Variants in ACBD6 observed in about 807,000 individuals in gnomAD.
ACBD6 encodes acyl-CoA-binding domain-containing protein 6.
A neutral mutation model predicts 37.2 loss-of-function variants in ACBD6; 28 were observed. That is an observed-to-expected ratio of 0.75 (90% CI 0.56 to 1.03). ACBD6 has a LOEUF of 1.03. Among genes scored for constraint, ACBD6 ranks in the 50% least tolerant of loss-of-function variants. The probability of loss-of-function intolerance (pLI) is 0.00; values close to 1 mark genes in which losing one functional copy is unlikely to be tolerated. For synonymous variants in ACBD6, 113 were observed against 126.8 expected (o/e 0.89, Z 0.73); for missense variants, 340 against 337.4 (o/e 1.01, Z -0.06).
chr1:180,413,619 C>A, intron 4 of ACBD6, 148 bp from the exon 5 acceptor site: 1 of 630,490 alleles, frequency 1.6e-6, no homozygotes, highest in Admixed American at 2.7e-5. Flanking sequence ...TTTTCAGTAG[C>A]TGTAATATAT....
At chr1:180,417,724 T>C (rs1433111250) in intron 4 of ACBD6, among the ~76,000 whole-genome samples, 1 of 152,074 alleles carries the variant, frequency 6.6e-6, no homozygotes, top group East Asian at 1.9e-4. Context: ...ATCTTTGAGG[T>C]TGAAAAATGG....
At chr1:180,338,211 C>T (rs190350744) in intron 6 of ACBD6, among the ~76,000 whole-genome samples, 2,222 of 152,248 alleles carry the variant, frequency 0.015, 65 homozygotes, top group African/African-American at 0.05. Flanking sequence ...AAAAAAAGAG[C>T]CCACATTGCC....
intron 6 of ACBD6, among the ~76,000 whole-genome samples, chr1:180,334,319 TC>T (rs1651614182): frequency 6.6e-6 from 1 of 152,046 alleles, no homozygotes; most frequent in South Asian, 2.1e-4. Flanking sequence ...AGACAAAACT[TC>T]CAGAGGAACG....
At chr1:180,454,425 G>A (rs1649836289) in intron 3 of ACBD6, among the ~76,000 whole-genome samples, 1 of 152,218 alleles carries the variant, frequency 6.6e-6, no homozygotes, top group East Asian at 1.9e-4. Flanking sequence ...AAAAACCCTA[G>A]AAGAAAACCT....
At chr1:180,331,661 TA>T in intron 6 of ACBD6, among the ~76,000 whole-genome samples, 1 of 152,330 alleles carries the variant, frequency 6.6e-6, no homozygotes, top group South Asian at 2.1e-4. Flanking sequence ...AGAATAATAC[TA>T]AAACAATATA....
chr1:180,320,077 C>T (rs1651001444), intron 6 of ACBD6, among the ~76,000 whole-genome samples: 1 of 152,180 alleles, frequency 6.6e-6, no homozygotes, highest in African/African-American at 2.4e-5. Context: ...TGAGAAACCT[C>T]CAAACGGTTC....
At chr1:180,391,773 T>C (rs1654085083) in intron 6 of ACBD6, among the ~76,000 whole-genome samples, 1 of 152,110 alleles carries the variant, frequency 6.6e-6, no homozygotes, top group Admixed American at 6.5e-5. Context: ...CATAGAGCTA[T>C]GCTATGACCC....
intron 3 of ACBD6, among the ~76,000 whole-genome samples, chr1:180,463,516 A>G (rs1650229300): frequency 1.3e-5 from 2 of 152,132 alleles, no homozygotes; most frequent in South Asian, 2.1e-4. Context: ...AAGAAACTGA[A>G]TCCCTAAAAA....
At chr1:180,323,865 C>CTTTTTTTTTT in intron 6 of ACBD6, among the ~76,000 whole-genome samples, 1 of 5,096 alleles carries the variant, frequency 2.0e-4, no homozygotes, top group Non-Finnish European at 2.7e-4. Context: ...TACTCTATGT[C>CTTTTTTTTTT]TTTTTTTTTT....
intron 6 of ACBD6, among the ~76,000 whole-genome samples, chr1:180,320,217 C>T (rs915356781): frequency 1.3e-5 from 2 of 152,140 alleles, no homozygotes; most frequent in African/African-American, 4.8e-5. Context: ...TAAGATGATA[C>T]GTCATTGTAT....
intron 7 of ACBD6, among the ~76,000 whole-genome samples, chr1:180,288,780 G>C (rs1160664336): frequency 1.3e-5 from 2 of 152,070 alleles, no homozygotes; most frequent in African/African-American, 2.4e-5. Flanking sequence ...TGAGGCTTTT[G>C]GGCTCTAGTC....
At chr1:180,431,902 AT>A (rs1648826571) in intron 3 of ACBD6, among the ~76,000 whole-genome samples, 1 of 152,180 alleles carries the variant, frequency 6.6e-6, no homozygotes, top group Non-Finnish European at 1.5e-5. Flanking sequence ...TACATGCAAT[AT>A]CAAAAGTATA....
In ACBD6 at chr1:180,334,948, A is replaced by G. The variant is rs552476129; in HGVS notation, c.664-20226T>C. On this transcript the variant is annotated intron_variant, in intron 6 of 7. Transcript: ENST00000367595. ...CAAATGAATGAAATGAAGCGAGAAG[A>G]GAAGTTTAGAGAAAAAAGAATAAAA... Among the ~76,000 whole-genome samples, 7 of 152,282 alleles carry G rather than the reference A, an allele frequency of 4.6e-5. No individual in the cohort carries two copies. In the South Asian group the frequency reaches 8.3e-4, roughly 18 times the overall value.
chr1:180,294,041 C>T (rs544251576), intron 7 of ACBD6, among the ~76,000 whole-genome samples: 22 of 152,080 alleles, frequency 1.4e-4, no homozygotes, highest in African/African-American at 3.1e-4. Flanking sequence ...ATTACAGGTG[C>T]GCACCACCAC....
chr1:180,365,253 T>C (rs1274886983), intron 6 of ACBD6, among the ~76,000 whole-genome samples: 1 of 152,194 alleles, frequency 6.6e-6, no homozygotes, highest in Non-Finnish European at 1.5e-5. Flanking sequence ...CAGTAGGTAC[T>C]CAGCTCTAGT....
chr1:180,274,392 G>C, intron 10 of ACBD6: 1 of 1,614,138 alleles, frequency 6.2e-7, no homozygotes, highest in Non-Finnish European at 8.5e-7. Context: ...TTGCTCAATG[G>C]GCTGGATTAC....
intron 6 of ACBD6, among the ~76,000 whole-genome samples, chr1:180,342,668 C>T (rs1652025420): frequency 6.6e-6 from 1 of 151,930 alleles, no homozygotes; most frequent in Admixed American, 6.6e-5. Flanking sequence ...AATCTTTATT[C>T]TATTAGTCTT....
intron 6 of ACBD6, among the ~76,000 whole-genome samples, chr1:180,369,132 C>A (rs1653158920): frequency 6.6e-6 from 1 of 152,220 alleles, no homozygotes; most frequent in Non-Finnish European, 1.5e-5. Context: ...TTTGAAACTA[C>A]CACGCTGGTA....
chr1:180,494,473 G>A (rs916841561), intron 2 of ACBD6, among the ~76,000 whole-genome samples: 2 of 152,046 alleles, frequency 1.3e-5, no homozygotes, highest in African/African-American at 4.8e-5. Flanking sequence ...CCTTCACTGA[G>A]ACTGTCCTAT....
Sources: allele counts gnomAD v4.1 joint callset (sites outside exome capture counted in the v4.1 genomes callset), GRCh38; gene constraint gnomAD v4.1.1; transcripts MANE v1.5; gene names NCBI Gene and HGNC (gene_info 2026-07-23, HGNC 2026-07-21).